Variants in PPP1R12C observed in about 807,000 individuals in gnomAD.
The protein encoded by PPP1R12C is protein phosphatase 1 regulatory subunit 12C, also known as leukocyte receptor cluster (LRC) encoded novel gene 3.
PPP1R12C carries 48 observed loss-of-function variants against 95.6 expected under a neutral mutation model. The ratio of observed to expected loss-of-function variants is 0.50; its 90% CI spans 0.40 to 0.64. The LOEUF (loss-of-function observed/expected upper bound fraction) is 0.64, where lower values mean the gene tolerates loss of function less well. PPP1R12C is among the 30% of genes least tolerant of loss of function. PPP1R12C has a pLI of 0.00. For synonymous variants in PPP1R12C, 480 were observed against 460.8 expected (o/e 1.04, Z -0.53); for missense variants, 1,057 against 1,083.3 (o/e 0.98, Z 0.34).
rs188217055 is a variant in PPP1R12C at position 55,100,852 on chromosome 19, T to A, written c.732-1757A>T. ...TGGTCTTGAACTCCTGACCTCATGA[T>A]CCGCCTGCCTCGACCTCCCAAAGTG... On this transcript the variant is annotated intron_variant, in intron 4 of 21. Coordinates refer to ENST00000263433, the MANE Select transcript of PPP1R12C (RefSeq NM_017607.4). 3.7e-3 allele frequency among the ~76,000 whole-genome samples: 559 copies of A among 152,168 alleles called. 7 individuals are homozygous for A. The highest frequency in any genetic ancestry group is 0.012 in the African/African-American group (519 of 41,532).
Position 55,103,572 on chromosome 19 carries a change from G to C in PPP1R12C, c.572-4C>G. On this transcript the variant is annotated splice_region_variant and splice_polypyrimidine_tract_variant and intron_variant, in intron 3 of 21. Coordinates refer to ENST00000263433, the MANE Select transcript of PPP1R12C (RefSeq NM_017607.4). Reference sequence around the variant, plus strand: ...TTGGCTGCTTCCACATCCACACCTAGGAGGATAAGAGGCACGAGGTAGGAC... The same window carrying C: ...TTGGCTGCTTCCACATCCACACCTACGAGGATAAGAGGCACGAGGTAGGAC... The C allele has an allele frequency of 6.4e-7, 1 of 1,567,666 alleles. No individual in the cohort carries two copies. Among genetic ancestry groups the C allele is most frequent in the Admixed American group, 1.7e-5 (1 of 57,290 alleles).
intron 3 of PPP1R12C, among the ~76,000 whole-genome samples, chr19:55,107,569 G>A (rs528252593): frequency 6.6e-6 from 1 of 152,192 alleles, no homozygotes; most frequent in South Asian, 2.1e-4. Context: ...GGATGAAGCT[G>A]GAAACCATCA....
intron 4 of PPP1R12C, among the ~76,000 whole-genome samples, chr19:55,100,683 A>G (rs1241273116): frequency 2.0e-5 from 3 of 152,200 alleles, no homozygotes; most frequent in South Asian, 2.1e-4. Context: ...CACGATCTCC[A>G]CTGACTGCAA....
intron 4 of PPP1R12C, among the ~76,000 whole-genome samples, chr19:55,099,586 A>G (rs1303402020): frequency 6.6e-6 from 1 of 152,012 alleles, no homozygotes; most frequent in Non-Finnish European, 1.5e-5. Context: ...GTCTGCAGAC[A>G]TCTTTGTTGT....
chr19:55,117,127 G>T, intron 1 of PPP1R12C, 96 bp downstream of exon 1: 1 of 1,053,280 alleles, frequency 9.5e-7, no homozygotes, highest in Non-Finnish European at 1.2e-6. Flanking sequence ...GGAACGACGG[G>T]GCGGATCGAG....
chr19:55,091,719 G>C lies in PPP1R12C; in HGVS notation c.2212-19C>G. On this transcript the variant is annotated intron_variant, in intron 20 of 21. Coordinates refer to ENST00000263433, the MANE Select transcript of PPP1R12C (RefSeq NM_017607.4). ...TGCGCTCCTGGAATGAACAGGGAAA[G>C]TGCAGAAACTGAGTGAGGCTGAGGA... The C allele has an allele frequency of 6.2e-7, 1 of 1,613,588 alleles. No homozygotes were observed. Among genetic ancestry groups the C allele is most frequent in the Non-Finnish European group, 8.5e-7 (1 of 1,179,940 alleles).
In PPP1R12C at chr19:55,094,792, C is replaced by A; in HGVS notation, c.1461G>T (p.Glu487Asp). The A allele has an allele frequency of 6.3e-7, 1 of 1,593,596 alleles. No individual in the cohort carries two copies. Among genetic ancestry groups the A allele is most frequent in the Non-Finnish European group, 8.5e-7 (1 of 1,172,554 alleles). ...CCAAGCAAGGAGGAGGCTTGGTGAC[C>A]TCAGACCTGCATCAATTCATTCATT... ...PKLPEPSVLS[E>D]VTKPPPCLEN... The change falls in exon 12 of 22, where the codon GAG becomes GAT. Residue 487 changes from glutamate (E) to aspartate (D), a missense_variant. Transcript: ENST00000263433.
Position 55,096,165 on chromosome 19 carries a change from G to C in PPP1R12C, c.1039C>G (p.Arg347Gly). 1 of 1,605,720 alleles carries C rather than the reference G, an allele frequency of 6.2e-7. No homozygotes were observed. Among genetic ancestry groups the C allele is most frequent in the Non-Finnish European group, 8.5e-7 (1 of 1,175,092 alleles). Residue 347 changes from arginine (R) to glycine (G), a missense_variant, in exon 8 of 22, where the codon CGT (arginine) becomes GGT (glycine). This residue lies in a region of PPP1R12C where 356 missense variants were observed against 330.5 expected (regional missense o/e 1.08). Transcript: ENST00000263433. ...GAAATCTTCTCGCGACTGCTCAGACGACACACAGAGCTCCTGTTGGGGAAG... is the reference window on the plus strand; with the variant it reads ...GAAATCTTCTCGCGACTGCTCAGACCACACACAGAGCTCCTGTTGGGGAAG... Reference protein sequence around the residue: ...SSKHRRSSVCRLSSREKISLQ... With the variant: ...SSKHRRSSVCGLSSREKISLQ...
In PPP1R12C at chr19:55,093,166, G is replaced by A. The variant is rs2084867745; in HGVS notation, c.1751C>T (p.Pro584Leu). 1 of 1,613,694 alleles carries A rather than the reference G, an allele frequency of 6.2e-7. No individual in the cohort carries two copies. Among genetic ancestry groups the A allele is most frequent in the East Asian group, 2.2e-5 (1 of 44,874 alleles). The stretch of plus-strand genomic sequence containing the variant: ...GACCCCTCTCACCAGGCTCTGCGCC[G>A]GCTTCTCTGACTCTGGGGCCTTCCC... ...AAGKAPESEKPAQSLDPSRRP... is the reference protein window; with the variant it reads ...AAGKAPESEKLAQSLDPSRRP... Residue 584 changes from proline (P) to leucine (L), a missense_variant, in exon 14 of 22, where the codon CCG becomes CTG. By Grantham distance (98) the Pro-to-Leu change is moderately conservative. Coordinates refer to ENST00000263433, the MANE Select transcript of PPP1R12C (RefSeq NM_017607.4).
rs551954794 is a variant in PPP1R12C, at chr19:55,095,720, C to T, written c.1228-117G>A. 15 of 1,519,334 alleles carry T rather than the reference C, an allele frequency of 9.9e-6. 1 individual carries two copies. Among genetic ancestry groups the T allele is most frequent in the African/African-American group, 6.9e-5 (5 of 72,578 alleles). The allele number at this position is 1,519,334 out of a possible 1,614,324, so 94.1% of individuals were successfully genotyped here. Reference sequence around the variant, plus strand: ...TTCCCATCAGCCCCCGGGGCAGGCACAGCCTAAAAAGGAAGCCGGTTGTCC... The same window carrying T: ...TTCCCATCAGCCCCCGGGGCAGGCATAGCCTAAAAAGGAAGCCGGTTGTCC... On this transcript the variant is annotated intron_variant, in intron 9 of 21. Transcript: ENST00000263433.
At chr19:55,112,341 C>A in intron 3 of PPP1R12C, 126 bp downstream of exon 3, 1 of 834,510 alleles carries the variant, frequency 1.2e-6, no homozygotes. Flanking sequence ...GAAACTGAGG[C>A]ACAAAGAAAG....
Position 55,092,934 on chromosome 19 carries a change from GT to G in PPP1R12C, c.1826-67del, listed in dbSNP as rs1392102000. On this transcript the variant is annotated intron_variant, in intron 15 of 21. Coordinates refer to ENST00000263433, the MANE Select transcript of PPP1R12C (RefSeq NM_017607.4). ...CCCCTCTCGGTGCCTGGGTCCCCGG[GT>G]CAAGCCCCCAGGAAAGCAAGAAGAC... 1.9e-6 allele frequency: 3 copies of G among 1,584,202 alleles called. No individual in the cohort carries two copies. The African/African-American group carries it at 4.1e-5, about 21-fold the overall frequency.
intron 1 of PPP1R12C, among the ~76,000 whole-genome samples, chr19:55,115,893 C>T (rs1054969783): frequency 5.3e-5 from 8 of 152,106 alleles, no homozygotes; most frequent in Non-Finnish European, 1.2e-4. Context: ...AACATGCTGT[C>T]CTGAAGTGGA....
rs1477694615 is a variant in PPP1R12C, at chr19:55,099,062, G to T, written c.765C>A (p.Leu255=). ...GGGGAGTCCAGCCGTCCCCGTCCCG[G>T]AGCTCTGGGTCGTAGCCAGCCTGAA... is the stretch of plus-strand genomic sequence containing the variant. ...LLLQAGYDPE[L]RDGDGWTPLH... Residue 255 remains leucine, a synonymous_variant, in exon 5 of 22, where the codon CTC becomes CTA. Coordinates refer to ENST00000263433, the MANE Select transcript of PPP1R12C (RefSeq NM_017607.4). 1.3e-6 allele frequency: 2 copies of T among 1,552,930 alleles called. No homozygotes were observed. Among genetic ancestry groups the T allele is most frequent in the Admixed American group, 3.9e-5 (2 of 51,130 alleles).
In PPP1R12C at chr19:55,093,233, C is replaced by T; in HGVS notation, c.1684G>A (p.Gly562Ser). ...TCCTTCAGGTCTGTAAGAGTCACAC[C>T]CTGGCAGGGAAAGGGGACAGTCAGG... ...LMRQSRRSTQ[G>S]VTLTDLKEAE... Residue 562 changes from glycine to serine, a missense_variant and splice_region_variant, in exon 14 of 22, where the codon GGT becomes AGT. Around this residue, in one of 5 missense-constraint regions of PPP1R12C, gnomAD observed 347 missense variants for 307.9 expected, o/e 1.13. Coordinates refer to ENST00000263433, the MANE Select transcript of PPP1R12C (RefSeq NM_017607.4). 1 of 1,612,680 alleles carries T rather than the reference C, an allele frequency of 6.2e-7. No individual in the cohort carries two copies. The highest frequency in any genetic ancestry group is 2.2e-5 in the East Asian group (1 of 44,830).
At position 55,091,418 on chromosome 19, in the gene PPP1R12C, G is replaced by A. The variant is rs565262132; in HGVS notation, c.*54C>T. 45 of 1,514,042 alleles carry A rather than the reference G, an allele frequency of 3.0e-5. No individual in the cohort carries two copies. The African/African-American group carries it at 6.2e-4, about 21-fold the overall frequency. The allele number at this position is 1,514,042 out of a possible 1,614,324, so 93.8% of individuals were successfully genotyped here. On this transcript the variant is annotated 3_prime_UTR_variant, in exon 22 of 22. Transcript: ENST00000263433. Reference sequence around the variant, plus strand: ...CACTCGTGTTCACACGGGGGAAGGGGTGCGTGTGGCAGAAGCAGCTGTATA... The same window carrying A: ...CACTCGTGTTCACACGGGGGAAGGGATGCGTGTGGCAGAAGCAGCTGTATA...
At chr19:55,113,744 G>T in intron 1 of PPP1R12C, 1 of 468,158 alleles carries the variant, frequency 2.1e-6, no homozygotes, top group Non-Finnish European at 3.3e-6. Flanking sequence ...GGAAACTCGG[G>T]CTGTGAAGGG....
intron 6 of PPP1R12C, among the ~76,000 whole-genome samples, chr19:55,097,554 A>G (rs2532057): frequency 0.088 from 380 of 4,326 alleles, 13 homozygotes; most frequent in East Asian, 0.27. Context: ...CCCCTTCCCC[A>G]CGCAGTTCAC....
At position 55,096,353 on chromosome 19, in the gene PPP1R12C, G is replaced by A; in HGVS notation, c.952-18C>T. ...TTCCGAAGCTGCAAGGAGGGAAGGG[G>A]GCTGCAGGGGAGGGGTGGAGCACAC... On this transcript the variant is annotated intron_variant, in intron 6 of 21. Coordinates refer to ENST00000263433, the MANE Select transcript of PPP1R12C (RefSeq NM_017607.4). 1 of 1,612,536 alleles carries A rather than the reference G, an allele frequency of 6.2e-7. No homozygotes were observed.
Sources: allele counts gnomAD v4.1 joint callset (sites outside exome capture counted in the v4.1 genomes callset), GRCh38; gene constraint gnomAD v4.1.1; regional missense constraint gnomAD v4.1.1; transcripts MANE v1.5; gene names NCBI Gene and HGNC (gene_info 2026-07-23, HGNC 2026-07-21).